GSG1L: variants seen among roughly 807,000 people sequenced by gnomAD.
GSG1L encodes the protein GSG1 like.
Under a neutral mutation model 42.1 loss-of-function variants are expected in GSG1L, and 24 were observed. The observed-to-expected ratio is 0.57, with a 90% CI of 0.41 to 0.80. GSG1L has a LOEUF of 0.80. Among genes scored for constraint, GSG1L ranks in the 30% least tolerant of loss-of-function variants. GSG1L has a pLI of 0.00. For synonymous variants in GSG1L, 215 were observed against 203.5 expected (o/e 1.06, Z -0.48); for missense variants, 445 against 472.2 (o/e 0.94, Z 0.53).
At chr16:27,959,826 G>A (rs1301255524) in intron 2 of GSG1L, among the ~76,000 whole-genome samples, 1 of 152,128 alleles carries the variant, frequency 6.6e-6, no homozygotes, top group African/African-American at 2.4e-5. Context: ...AAATCAGGGA[G>A]CAAGAATGAA....
chr16:28,017,631 G>A (rs1011440943), intron 1 of GSG1L, among the ~76,000 whole-genome samples: 4 of 152,136 alleles, frequency 2.6e-5, no homozygotes, highest in East Asian at 1.9e-4. Context: ...CAAAAACTAC[G>A]CAGCCGTGGA....
chr16:27,963,709 C>T (rs1337053334), intron 1 of GSG1L, among the ~76,000 whole-genome samples: 1 of 152,210 alleles, frequency 6.6e-6, no homozygotes, highest in Non-Finnish European at 1.5e-5. Flanking sequence ...CCACCCACTG[C>T]CCTCTCCCTC....
intron 4 of GSG1L, among the ~76,000 whole-genome samples, chr16:27,841,836 T>C (rs1027061055): frequency 4.6e-5 from 7 of 152,098 alleles, no homozygotes; most frequent in African/African-American, 1.7e-4. Context: ...GGAAAGAATG[T>C]TCCCCTGGCT....
intron 1 of GSG1L, among the ~76,000 whole-genome samples, chr16:27,989,808 G>A (rs901626245): frequency 2.6e-5 from 4 of 151,710 alleles, no homozygotes; most frequent in Non-Finnish European, 5.9e-5. Flanking sequence ...AACTTTCTTT[G>A]AGTTGTATTT....
chr16:27,868,086 C>T (rs2083754987), intron 3 of GSG1L, among the ~76,000 whole-genome samples: 1 of 152,126 alleles, frequency 6.6e-6, no homozygotes, highest in South Asian at 2.1e-4. Context: ...CCAATTTCTA[C>T]TTGGCCCTGT....
chr16:28,057,515 G>A (rs1437437185), intron 1 of GSG1L, among the ~76,000 whole-genome samples: 1 of 152,206 alleles, frequency 6.6e-6, no homozygotes, highest in African/African-American at 2.4e-5. Context: ...AAGTTTTCAA[G>A]AAAAGCCATA....
At chr16:27,889,543 G>T (rs185060926) in intron 2 of GSG1L, among the ~76,000 whole-genome samples, 6 of 152,210 alleles carry the variant, frequency 3.9e-5, no homozygotes. Flanking sequence ...GATTGTCTTT[G>T]GGCAACCAGA....
intron 2 of GSG1L, among the ~76,000 whole-genome samples, chr16:27,909,635 C>CTTTTTT (rs10709968): frequency 4.5e-5 from 4 of 88,268 alleles, no homozygotes; most frequent in East Asian, 2.9e-4. Context: ...CTGCACCCAG[C>CTTTTTT]TTTTTTTTTT....
At chr16:27,876,747 C>T (rs1395936686) in intron 3 of GSG1L, among the ~76,000 whole-genome samples, 1 of 152,208 alleles carries the variant, frequency 6.6e-6, no homozygotes, top group Non-Finnish European at 1.5e-5. Flanking sequence ...TGGTGGCACC[C>T]ACCCCGCAGG....
intron 2 of GSG1L, among the ~76,000 whole-genome samples, chr16:27,910,207 C>G (rs1168707131): frequency 6.6e-6 from 1 of 151,538 alleles, no homozygotes; most frequent in African/African-American, 2.4e-5. Context: ...AGACAATCTG[C>G]CCCCCTTGGC....
intron 5 of GSG1L, among the ~76,000 whole-genome samples, chr16:27,826,285 C>T (rs927442708): frequency 3.9e-5 from 6 of 152,040 alleles, no homozygotes; most frequent in African/African-American, 9.7e-5. Context: ...GTCTCCTCAC[C>T]CCATGCGCTG....
At chr16:28,031,355 T>C (rs1272831431) in intron 1 of GSG1L, among the ~76,000 whole-genome samples, 2 of 120,152 alleles carry the variant, frequency 1.7e-5, no homozygotes, top group Non-Finnish European at 3.4e-5. Context: ...TTGGATGAGA[T>C]GGGATGGGGT....
chr16:27,917,965 C>T (rs2084477910), intron 2 of GSG1L, among the ~76,000 whole-genome samples: 1 of 152,032 alleles, frequency 6.6e-6, no homozygotes, highest in Non-Finnish European at 1.5e-5. Flanking sequence ...TGATTTTTAG[C>T]AAATCCTTCT....
chr16:27,824,576 G>C (rs1300905779), intron 5 of GSG1L, among the ~76,000 whole-genome samples: 1 of 151,650 alleles, frequency 6.6e-6, no homozygotes, highest in African/African-American at 2.4e-5. Flanking sequence ...AAAAGAAATA[G>C]AACAGCCTGG....
At chr16:28,049,438 T>C (rs1159892197) in intron 1 of GSG1L, among the ~76,000 whole-genome samples, 1 of 151,880 alleles carries the variant, frequency 6.6e-6, no homozygotes, top group East Asian at 1.9e-4. Flanking sequence ...CCCAACACTT[T>C]GGGAGGCCAA....
intron 4 of GSG1L, among the ~76,000 whole-genome samples, chr16:27,837,006 G>A (rs971132364): frequency 2.6e-5 from 4 of 152,190 alleles, no homozygotes; most frequent in Non-Finnish European, 5.9e-5. Flanking sequence ...TGGAGGCTCT[G>A]CCCAGTTACT....
At chr16:27,842,622 G>A (rs918855511) in intron 4 of GSG1L, among the ~76,000 whole-genome samples, 2 of 152,004 alleles carry the variant, frequency 1.3e-5, no homozygotes, top group African/African-American at 4.8e-5. Flanking sequence ...TGGGTAAAGG[G>A]AGGTCAGAAC....
intron 1 of GSG1L, among the ~76,000 whole-genome samples, chr16:27,993,189 C>G (rs2085473975): frequency 6.6e-6 from 1 of 152,110 alleles, no homozygotes; most frequent in African/African-American, 2.4e-5. Context: ...TGCTCTGTCA[C>G]CCAGGCTGGA....
At chr16:27,997,280 C>T (rs564645505) in intron 1 of GSG1L, among the ~76,000 whole-genome samples, 14 of 151,062 alleles carry the variant, frequency 9.3e-5, no homozygotes, top group African/African-American at 3.4e-4. Context: ...ACACCTCTCC[C>T]TCTGCCTACA....
Sources: allele counts gnomAD v4.1 joint callset (sites outside exome capture counted in the v4.1 genomes callset), GRCh38; gene constraint gnomAD v4.1.1; transcripts MANE v1.5; gene names NCBI Gene and HGNC (gene_info 2026-07-23, HGNC 2026-07-21).